Variants in GALNTL6 observed in about 807,000 individuals in gnomAD.
GALNTL6 encodes polypeptide N-acetylgalactosaminyltransferase-like 6.
Under a neutral mutation model 73.7 loss-of-function variants are expected in GALNTL6, and 46 were observed. That is an observed-to-expected ratio of 0.62 (90% confidence interval 0.49 to 0.80). The LOEUF (loss-of-function observed/expected upper bound fraction) is 0.80. GALNTL6 is among the 30% of genes least tolerant of loss of function. GALNTL6 has a pLI of 0.00. For synonymous variants in GALNTL6, 259 were observed against 263.7 expected, an observed-to-expected ratio of 0.98 and a Z score of 0.17; for missense variants, 604 against 755.0, an observed-to-expected ratio of 0.80 and a Z score of 2.34.
At chr4:172,194,422 G>T (rs962586976) in intron 2 of GALNTL6, among the ~76,000 whole-genome samples, 1 of 152,098 alleles carries the variant, frequency 6.6e-6, no homozygotes, top group Admixed American at 6.6e-5. Context: ...AGCATAACAG[G>T]ACAACATTCA....
intron 2 of GALNTL6, among the ~76,000 whole-genome samples, chr4:172,107,727 A>C (rs1732721970): frequency 1.3e-5 from 2 of 151,032 alleles, no homozygotes; most frequent in African/African-American, 4.9e-5. Flanking sequence ...CCTAATGTTA[A>C]ATGACGAGTT....
At chr4:172,132,312 T>A (rs1233255182) in intron 2 of GALNTL6, among the ~76,000 whole-genome samples, 1 of 151,820 alleles carries the variant, frequency 6.6e-6, no homozygotes, top group Non-Finnish European at 1.5e-5. Flanking sequence ...TTTAATAATA[T>A]CTTTGTCATA....
chr4:172,487,972 C>T (rs940757410), intron 5 of GALNTL6, among the ~76,000 whole-genome samples: 11 of 152,062 alleles, frequency 7.2e-5, no homozygotes, highest in Non-Finnish European at 7.4e-5. Context: ...CATTTTCTCC[C>T]GCTTATTCCA....
At chr4:172,440,578 A>G (rs1731796911) in intron 5 of GALNTL6, among the ~76,000 whole-genome samples, 1 of 152,136 alleles carries the variant, frequency 6.6e-6, no homozygotes, top group South Asian at 2.1e-4. Flanking sequence ...TTATACATTT[A>G]CAACATCAAG....
At chr4:172,631,127 T>A (rs1739377996) in intron 5 of GALNTL6, among the ~76,000 whole-genome samples, 1 of 152,034 alleles carries the variant, frequency 6.6e-6, no homozygotes, top group South Asian at 2.1e-4. Context: ...TGTTTTTTTT[T>A]AACTTTTTTG....
At chr4:171,817,247 C>A (rs867857958) in intron 2 of GALNTL6, among the ~76,000 whole-genome samples, 24 of 151,954 alleles carry the variant, frequency 1.6e-4, no homozygotes, top group Middle Eastern at 3.4e-3. Context: ...TGTAAAACAG[C>A]CAAGGGTTCT....
intron 5 of GALNTL6, among the ~76,000 whole-genome samples, chr4:172,548,908 G>A (rs923981741): frequency 6.6e-6 from 1 of 152,002 alleles, no homozygotes; most frequent in Non-Finnish European, 1.5e-5. Flanking sequence ...AATATTTTAT[G>A]TTATAAAATC....
chr4:172,586,690 A>G (rs115867649), intron 5 of GALNTL6, among the ~76,000 whole-genome samples: 3 of 152,330 alleles, frequency 2.0e-5, no homozygotes, highest in African/African-American at 7.2e-5. Flanking sequence ...GGCTTAGACA[A>G]GAAGAATGCA....
chr4:172,362,616 G>A (rs925422477), intron 5 of GALNTL6, among the ~76,000 whole-genome samples: 2 of 151,954 alleles, frequency 1.3e-5, no homozygotes, highest in Non-Finnish European at 2.9e-5. Flanking sequence ...TTTTCATTCT[G>A]TACAACTAAA....
At chr4:172,310,185 A>T (rs1028818003) in intron 3 of GALNTL6, among the ~76,000 whole-genome samples, 21 of 152,196 alleles carry the variant, frequency 1.4e-4, no homozygotes, top group African/African-American at 4.8e-4. Context: ...GAATGCCATG[A>T]TAATGTTTAA....
intron 2 of GALNTL6, among the ~76,000 whole-genome samples, chr4:171,979,144 C>CGCA (rs943932871): frequency 2.8e-4 from 43 of 152,152 alleles, no homozygotes; most frequent in African/African-American, 1.0e-3. Flanking sequence ...ATACATGATT[C>CGCA]GCATGGCATA....
At chr4:171,865,970 A>G (rs1735960262) in intron 2 of GALNTL6, among the ~76,000 whole-genome samples, 1 of 152,202 alleles carries the variant, frequency 6.6e-6, no homozygotes. Context: ...AGGCCTCCCA[A>G]ATTATTATGA....
At chr4:172,492,316 A>C (rs1004616496) in intron 5 of GALNTL6, among the ~76,000 whole-genome samples, 34 of 152,124 alleles carry the variant, frequency 2.2e-4, no homozygotes, top group Non-Finnish European at 1.5e-4. Flanking sequence ...TGAAGGAAAA[A>C]AATTGAAAAT....
intron 5 of GALNTL6, among the ~76,000 whole-genome samples, chr4:172,688,278 T>C (rs1733053530): frequency 6.6e-6 from 1 of 152,236 alleles, no homozygotes; most frequent in Non-Finnish European, 1.5e-5. Context: ...ATGTTTCTTT[T>C]ATGAATTTGG....
intron 2 of GALNTL6, among the ~76,000 whole-genome samples, chr4:171,894,252 G>T (rs906098347): frequency 1.3e-5 from 2 of 152,120 alleles, no homozygotes; most frequent in Admixed American, 1.3e-4. Flanking sequence ...ACTTGATTTA[G>T]TGTCACTCTA....
At chr4:172,132,341 A>G (rs901772806) in intron 2 of GALNTL6, among the ~76,000 whole-genome samples, 3 of 152,106 alleles carry the variant, frequency 2.0e-5, no homozygotes, top group Non-Finnish European at 4.4e-5. Flanking sequence ...TTTTTTGAAC[A>G]CATGAATTTT....
At chr4:172,714,721 G>C (rs1361542246) in intron 5 of GALNTL6, among the ~76,000 whole-genome samples, 1 of 152,046 alleles carries the variant, frequency 6.6e-6, no homozygotes, top group Non-Finnish European at 1.5e-5. Context: ...AAAATTATTT[G>C]TTTGAAACTC....
chr4:172,075,819 A>T (rs970660630), intron 2 of GALNTL6, among the ~76,000 whole-genome samples: 3 of 152,210 alleles, frequency 2.0e-5, no homozygotes, highest in Non-Finnish European at 2.9e-5. Flanking sequence ...GTGGGCAATC[A>T]TATAGAACAA....
intron 5 of GALNTL6, among the ~76,000 whole-genome samples, chr4:172,573,150 A>C (rs946544257): frequency 2.0e-5 from 3 of 152,184 alleles, no homozygotes; most frequent in Non-Finnish European, 4.4e-5. Context: ...ACCAAGCATC[A>C]ATAAAATATA....
Sources: gnomAD v4.1 joint callset for allele counts (sites outside exome capture counted in the v4.1 genomes callset) on GRCh38, gnomAD v4.1.1 for gene constraint, MANE v1.5 for transcripts, NCBI Gene and HGNC (gene_info 2026-07-23, HGNC 2026-07-21) for gene names.